The following SOD2 variants were observed in gnomAD, a reference collection of about 807,000 sequenced individuals.
SOD2 encodes superoxide dismutase [Mn], mitochondrial.
Under a neutral mutation model 27.0 loss-of-function variants are expected in SOD2, and 11 were observed. The ratio of observed to expected loss-of-function variants is 0.41; its 90% CI spans 0.26 to 0.67. The LOEUF (loss-of-function observed/expected upper bound fraction) is 0.67, where lower values mean the gene tolerates loss of function less well. Ranked by LOEUF, SOD2 falls within the 30% of genes least tolerant of loss-of-function variation. The probability of loss-of-function intolerance (pLI) is 0.34; values close to 1 mark genes in which losing one functional copy is unlikely to be tolerated. For missense variants in SOD2, 250 were observed against 274.5 expected, an observed-to-expected ratio of 0.91 and a Z score of 0.63; for synonymous variants, 105 against 103.0, an observed-to-expected ratio of 1.02 and a Z score of -0.12.
At chr6:159,718,034 C>T (rs1777956076) in intron 1 of SOD2, among the ~76,000 whole-genome samples, 1 of 151,732 alleles carries the variant, frequency 6.6e-6, no homozygotes, top group South Asian at 2.1e-4. Flanking sequence ...CCTCTGTCAC[C>T]CAGGCTGGAA....
intron 1 of SOD2, among the ~76,000 whole-genome samples, chr6:159,753,858 G>A (rs1042663225): frequency 6.6e-5 from 10 of 152,072 alleles, no homozygotes; most frequent in African/African-American, 1.4e-4. Context: ...TTTTTAGTTG[G>A]GGGTAGGATT....
chr6:159,751,212 G>A (rs778499654), intron 1 of SOD2, among the ~76,000 whole-genome samples: 5 of 152,068 alleles, frequency 3.3e-5, no homozygotes, highest in African/African-American at 9.7e-5. Flanking sequence ...AGTTTTAAAC[G>A]TGATATGACT....
At position 159,698,571 on chromosome 6, in the gene SOD2, C is replaced by CAA. The variant is rs66652436; in HGVS notation, c.-115-5710_-115-5709dup. ...TGGGTAACAGAGTGAGACCTTGTCT[C>CAA]AAAAAAAAAAAAAAAAAAAAAAAAA... is the stretch of plus-strand genomic sequence containing the variant. On this transcript the variant is annotated intron_variant, in intron 1 of 2. Coordinates refer to the SOD2 transcript ENST00000401980. Among the ~76,000 whole-genome samples, 119 of 95,702 alleles carry CAA rather than the reference C, an allele frequency of 1.2e-3. 2 individuals carry two copies. The highest frequency in any genetic ancestry group is 4.6e-3 in the African/African-American group (101 of 21,942). 62.8% of individuals were successfully genotyped at this position (95,702 alleles called of 152,430 possible).
upstream of SOD2, chr6:159,748,510 A>T: frequency 6.9e-7 from 1 of 1,445,072 alleles, no homozygotes; most frequent in South Asian, 1.6e-5. The surrounding 1 kb of genome is among the most constrained non-coding windows in gnomAD (Gnocchi z 5.6). Flanking sequence ...TACACTGTCC[A>T]GCTTGTAATG....
intron 1 of SOD2, among the ~76,000 whole-genome samples, chr6:159,757,342 C>T (rs560199492): frequency 6.6e-6 from 1 of 152,118 alleles, no homozygotes; most frequent in Non-Finnish European, 1.5e-5. Flanking sequence ...TTAGCTGATA[C>T]AGGTATATCC....
chr6:159,693,192 G>C lies in SOD2; in HGVS notation c.-25C>G. On this transcript the variant is annotated 5_prime_UTR_variant, in exon 1 of 5. In the 5' UTR this introduces an upstream ATG that the reference lacks. Coordinates refer to ENST00000538183, the MANE Select transcript of SOD2 (RefSeq NM_000636.4). ...TGCTGCTAGTGCTGGTGCTACCGCT[G>C]ATGCCGCCGATCTGCTGAAGCCGCT... The C allele has an allele frequency of 1.3e-6, 2 of 1,520,898 alleles. No homozygotes were observed. The highest frequency in any genetic ancestry group is 2.1e-5 in the Admixed American group (1 of 48,176). 94.2% of individuals were successfully genotyped at this position (1,520,898 alleles called of 1,614,324 possible). A position where few individuals can be genotyped will look rare whatever the true frequency, so the allele number is the denominator to read the frequency against.
upstream of SOD2, among the ~76,000 whole-genome samples, chr6:159,696,487 T>A (rs532913826): frequency 6.6e-6 from 1 of 151,786 alleles, no homozygotes; most frequent in South Asian, 2.1e-4. Flanking sequence ...GCCTGGCTAA[T>A]TTTTGTATTT....
In SOD2 at chr6:159,688,122, C is replaced by T; in HGVS notation, c.343+4G>A. 1 of 1,538,964 alleles carries T rather than the reference C, an allele frequency of 6.5e-7. No individual in the cohort carries two copies. ...TAGATAAGGGTGCACCAATATATACCAACCTTTGGGTTCTCCACCACCGTT... is the reference window on the plus strand; with the variant it reads ...TAGATAAGGGTGCACCAATATATACTAACCTTTGGGTTCTCCACCACCGTT... On this transcript the variant is annotated splice_donor_region_variant and intron_variant, in intron 3 of 4. Transcript: ENST00000538183.
chr6:159,740,517 C>G (rs1230949252), intron 1 of SOD2, among the ~76,000 whole-genome samples: 2 of 152,176 alleles, frequency 1.3e-5, no homozygotes, highest in South Asian at 4.1e-4. Context: ...TTCTGTACTT[C>G]TAAAATAAAT....
intron 1 of SOD2, among the ~76,000 whole-genome samples, chr6:159,740,900 C>T (rs1195811410): frequency 3.3e-5 from 5 of 151,936 alleles, no homozygotes; most frequent in African/African-American, 9.7e-5. Context: ...GACGGGATTT[C>T]ACTGTGTTGG....
At chr6:159,727,468 G>C (rs1248737318), upstream of SOD2, 55 of 993,282 alleles carry the variant, frequency 5.5e-5, 1 homozygote, top group South Asian at 1.9e-3. Context: ...GAGCGGAGCC[G>C]TGCGGCGGGG....
chr6:159,730,088 A>G (rs548599858), upstream of SOD2, among the ~76,000 whole-genome samples: 2 of 152,318 alleles, frequency 1.3e-5, no homozygotes, highest in East Asian at 3.9e-4. Context: ...CAATCATGTT[A>G]CCACCCTTTT....
rs1779634132 is a variant in SOD2, at chr6:159,670,603, T to G, written c.*11890A>C. On this transcript the variant is annotated 3_prime_UTR_variant, in exon 5 of 5. Coordinates refer to ENST00000538183, the MANE Select transcript of SOD2 (RefSeq NM_000636.4). Reference sequence around the variant, plus strand: ...CAGAGAAAACCAAAAAATGCCAGACTTGGGTTGGGTTCCAAGATGGCCGAA... The same window carrying G: ...CAGAGAAAACCAAAAAATGCCAGACGTGGGTTGGGTTCCAAGATGGCCGAA... 6.5e-6 allele frequency: 1 copy of G among 152,672 alleles called. No homozygotes were observed. Among genetic ancestry groups the G allele is most frequent in the African/African-American group, 2.4e-5 (1 of 41,440 alleles). The allele number at this position is 152,672 out of a possible 1,614,324, so 9.5% of individuals were successfully genotyped here.
intron 1 of SOD2, chr6:159,755,387 A>AGAG: frequency 6.2e-7 from 1 of 1,614,240 alleles, no homozygotes; most frequent in Non-Finnish European, 8.5e-7. Context: ...GAGAACTGGC[A>AGAG]GAGGAGGTAG....
At chr6:159,760,536 G>A (rs1780102191) in intron 1 of SOD2, 1 of 152,274 alleles carries the variant, frequency 6.6e-6, no homozygotes, top group Non-Finnish European at 1.5e-5. Flanking sequence ...CTCCCAAAGT[G>A]CTGGGATTAC....
chr6:159,759,155 G>A (rs1192752304), intron 1 of SOD2, among the ~76,000 whole-genome samples: 5 of 150,798 alleles, frequency 3.3e-5, no homozygotes, highest in Non-Finnish European at 5.9e-5. Context: ...CGCCTCCCAG[G>A]TTCAAGCAAT....
At chr6:159,758,463 C>G (rs763601142) in intron 1 of SOD2, among the ~76,000 whole-genome samples, 2 of 152,170 alleles carry the variant, frequency 1.3e-5, no homozygotes, top group Non-Finnish European at 1.5e-5. Flanking sequence ...TTTTGAGACA[C>G]TTTTGCAAAA....
intron 1 of SOD2, among the ~76,000 whole-genome samples, chr6:159,744,757 T>C (rs1366898459): frequency 4.6e-5 from 7 of 152,180 alleles, no homozygotes; most frequent in Non-Finnish European, 1.0e-4. Flanking sequence ...GGCCTCTCTC[T>C]CATCCAGGCT....
chr6:159,745,247 A>G (rs1016889783), upstream of SOD2: 1 of 152,196 alleles, frequency 6.6e-6, no homozygotes, highest in Non-Finnish European at 1.5e-5. Context: ...TCTTGACATC[A>G]TAGTTGATGT....
Sources: gnomAD v4.1 joint callset for allele counts (sites outside exome capture counted in the v4.1 genomes callset) on GRCh38, gnomAD v4.1.1 for gene constraint, Gnocchi (gnomAD v3.1) non-coding constraint, MANE v1.5 for transcripts, NCBI Gene and HGNC (gene_info 2026-07-23, HGNC 2026-07-21) for gene names.